MLLT3: variants seen among roughly 807,000 people sequenced by gnomAD.
MLLT3 encodes protein AF-9.
MLLT3 carries 4 observed loss-of-function variants against 53.2 expected under a neutral mutation model. That is an observed-to-expected ratio of 0.08 (90% CI 0.04 to 0.17). The LOEUF is 0.17. MLLT3 is among the 10% of genes least tolerant of loss of function. The pLI, the probability that MLLT3 is intolerant of heterozygous loss-of-function variation, is 1.00. For synonymous variants in MLLT3, 283 were observed against 230.6 expected (o/e 1.23, Z -2.06); for missense variants, 569 against 684.0 (o/e 0.83, Z 1.87).
intron 2 of MLLT3, among the ~76,000 whole-genome samples, chr9:20,585,581 C>A (rs1273109110): frequency 6.6e-6 from 1 of 152,228 alleles, no homozygotes; most frequent in Non-Finnish European, 1.5e-5. Flanking sequence ...CTTCCCAGCA[C>A]TTGATTCTAA....
intron 2 of MLLT3, among the ~76,000 whole-genome samples, chr9:20,486,751 C>A (rs1036424288): frequency 6.6e-6 from 1 of 152,184 alleles, no homozygotes; most frequent in South Asian, 2.1e-4. Flanking sequence ...TCAGACAGAC[C>A]TACTCTGCAG....
At chr9:20,517,486 C>T (rs1817944983) in intron 2 of MLLT3, among the ~76,000 whole-genome samples, 1 of 151,586 alleles carries the variant, frequency 6.6e-6, no homozygotes, top group African/African-American at 2.4e-5. Context: ...TGGTTGAACC[C>T]AAGATAAGGG....
intron 2 of MLLT3, among the ~76,000 whole-genome samples, chr9:20,571,090 G>GA (rs998465270): frequency 3.9e-5 from 6 of 152,122 alleles, no homozygotes; most frequent in Admixed American, 3.9e-4. Context: ...GTTACACACA[G>GA]AAAAAAACAA....
chr9:20,478,074 C>A (rs1287023152), intron 2 of MLLT3, among the ~76,000 whole-genome samples: 1 of 151,992 alleles, frequency 6.6e-6, no homozygotes, highest in East Asian at 1.9e-4. Flanking sequence ...GTCCCCTAAA[C>A]CCTGCCCTGG....
At chr9:20,514,762 T>G (rs548916500) in intron 2 of MLLT3, among the ~76,000 whole-genome samples, 258 of 151,994 alleles carry the variant, frequency 1.7e-3, no homozygotes, top group Non-Finnish European at 2.9e-3. Flanking sequence ...TTTGAGGAAA[T>G]CATTATGCCT....
intron 2 of MLLT3, among the ~76,000 whole-genome samples, chr9:20,612,395 CT>C (rs535144945): frequency 4.2e-4 from 64 of 152,196 alleles, no homozygotes; most frequent in African/African-American, 1.4e-3. Flanking sequence ...TATATATTGC[CT>C]TTTGGTTAAG....
intron 2 of MLLT3, among the ~76,000 whole-genome samples, chr9:20,539,995 A>G (rs1818586058): frequency 6.6e-6 from 1 of 152,230 alleles, no homozygotes; most frequent in South Asian, 2.1e-4. Context: ...AAAGTGCCCA[A>G]AACAAAGAGG....
chr9:20,360,628 T>C lies in MLLT3; in HGVS notation c.1431+114A>G, dbSNP rs1338007361. The C allele has an allele frequency of 6.2e-6, 5 of 809,138 alleles. No homozygotes were observed. The South Asian group carries it at 7.6e-5, about 12-fold the overall frequency. 50.1% of individuals were successfully genotyped at this position (809,138 alleles called of 1,614,324 possible). On this transcript the variant is annotated intron_variant, in intron 8 of 10. Transcript: ENST00000380338. ...AGGCTGTGGCCTCCCTCCCATCTAT[T>C]TGGCATCAAGAGGAAGTTTGTTTAA...
chr9:20,547,585 A>G (rs1266900484), intron 2 of MLLT3, among the ~76,000 whole-genome samples: 1 of 149,044 alleles, frequency 6.7e-6, no homozygotes, highest in Admixed American at 6.8e-5. Context: ...CGGAGGTTGC[A>G]GTGAGCCGAG....
chr9:20,603,834 A>C (rs952192571), intron 2 of MLLT3, among the ~76,000 whole-genome samples: 3 of 152,028 alleles, frequency 2.0e-5, no homozygotes, highest in Admixed American at 6.6e-5. Flanking sequence ...AAGCCCACTA[A>C]AATTTTATGT....
At chr9:20,573,167 T>C (rs4421438) in intron 2 of MLLT3, among the ~76,000 whole-genome samples, 45,230 of 142,930 alleles carry the variant, frequency 0.32, 7,319 homozygotes, top group South Asian at 0.43. Flanking sequence ...GTTCCTGTTT[T>C]TGTTTGTTTT....
intron 2 of MLLT3, among the ~76,000 whole-genome samples, chr9:20,583,833 C>T (rs545547119): frequency 3.3e-5 from 5 of 152,262 alleles, no homozygotes; most frequent in South Asian, 4.1e-4. Flanking sequence ...TGATGGAAGG[C>T]GCTGCCATGA....
chr9:20,594,012 C>G (rs1820190456), intron 2 of MLLT3, among the ~76,000 whole-genome samples: 1 of 148,530 alleles, frequency 6.7e-6, no homozygotes, highest in Admixed American at 6.7e-5. Flanking sequence ...GTGATCTCGG[C>G]TCACTGCAAC....
chr9:20,544,843 G>A (rs1234490992), intron 2 of MLLT3, among the ~76,000 whole-genome samples: 2 of 152,134 alleles, frequency 1.3e-5, no homozygotes, highest in African/African-American at 4.8e-5. Context: ...CCACCACTCT[G>A]GGAGGCCAAG....
intron 2 of MLLT3, among the ~76,000 whole-genome samples, chr9:20,497,772 G>A (rs1475129861): frequency 6.6e-6 from 1 of 152,100 alleles, no homozygotes; most frequent in African/African-American, 2.4e-5. Context: ...ACTTGTATAA[G>A]TGTGTAAGTC....
chr9:20,544,672 T>C (rs773272473), intron 2 of MLLT3, among the ~76,000 whole-genome samples: 55 of 152,218 alleles, frequency 3.6e-4, no homozygotes, highest in Non-Finnish European at 5.3e-4. Context: ...GAAAACACTA[T>C]GAACATTCCT....
intron 2 of MLLT3, among the ~76,000 whole-genome samples, chr9:20,581,879 A>G (rs1332582704): frequency 2.0e-5 from 3 of 152,198 alleles, no homozygotes; most frequent in Non-Finnish European, 4.4e-5. Flanking sequence ...ATTTAAGGAG[A>G]GCAACCCTCT....
chr9:20,596,242 C>A (rs372093302), intron 2 of MLLT3, among the ~76,000 whole-genome samples: 1 of 152,092 alleles, frequency 6.6e-6, no homozygotes, highest in Admixed American at 6.6e-5. Context: ...TAAAAGCTTG[C>A]GGAATTAAAT....
intron 2 of MLLT3, among the ~76,000 whole-genome samples, chr9:20,515,797 T>TC (rs1411664950): frequency 1.3e-5 from 2 of 152,102 alleles, no homozygotes; most frequent in East Asian, 1.9e-4. Flanking sequence ...TTTGAGGATC[T>TC]CCCCATTGAC....
Sources: allele counts gnomAD v4.1 joint callset (sites outside exome capture counted in the v4.1 genomes callset), GRCh38; gene constraint gnomAD v4.1.1; transcripts MANE v1.5; gene names NCBI Gene and HGNC (gene_info 2026-07-23, HGNC 2026-07-21).